SDK1: variants seen among roughly 807,000 people sequenced by gnomAD.
The protein encoded by SDK1 is protein sidekick-1.
Under a neutral mutation model 245.5 loss-of-function variants are expected in SDK1, and 157 were observed. The ratio of observed to expected loss-of-function variants is 0.64; its 90% CI spans 0.56 to 0.73. SDK1 has a LOEUF of 0.73. Among genes scored for constraint, SDK1 ranks in the 30% least tolerant of loss-of-function variants. The pLI is 0.00. For missense variants in SDK1, 3,583 were observed against 3,002.3 expected (o/e 1.19, Z -4.52); for synonymous variants, 1,647 against 1,278.5 (o/e 1.29, Z -6.15).
chr7:3,736,627 A>G (rs917367961), intron 4 of SDK1, among the ~76,000 whole-genome samples: 10 of 151,962 alleles, frequency 6.6e-5, no homozygotes, highest in African/African-American at 2.2e-4. Context: ...CTTCCCCACT[A>G]CTGTGGGAGT....
chr7:3,851,317 A>G lies in SDK1; in HGVS notation c.847+29734A>G, dbSNP rs150540111. 1.2e-3 allele frequency among the ~76,000 whole-genome samples: 186 copies of G among 152,272 alleles called. 2 individuals are homozygous for G. The highest frequency in any genetic ancestry group is 4.3e-3 in the African/African-American group (177 of 41,560). ...GCGTTATTAACATTTTAATGAAGGAATTATTCTATTTTCATATTTCTTAGA... is the reference window on the plus strand; with the variant it reads ...GCGTTATTAACATTTTAATGAAGGAGTTATTCTATTTTCATATTTCTTAGA... On this transcript the variant is annotated intron_variant, in intron 5 of 44. Transcript: ENST00000404826.
chr7:3,598,674 T>C (rs1402008747), intron 1 of SDK1, among the ~76,000 whole-genome samples: 1 of 152,196 alleles, frequency 6.6e-6, no homozygotes, highest in Non-Finnish European at 1.5e-5. Flanking sequence ...TCTATACTTT[T>C]GTCATTTCAA....
chr7:3,459,555 A>G (rs373365396), intron 1 of SDK1, among the ~76,000 whole-genome samples: 5 of 152,272 alleles, frequency 3.3e-5, no homozygotes, highest in African/African-American at 1.2e-4. Context: ...TCCTGTTTCA[A>G]GAAGGAAGTG....
intron 30 of SDK1, among the ~76,000 whole-genome samples, chr7:4,155,948 C>T (rs1780705335): frequency 6.6e-6 from 1 of 152,192 alleles, no homozygotes; most frequent in Non-Finnish European, 1.5e-5. Flanking sequence ...GGACAGCAGG[C>T]AGGGCCATCT....
At chr7:4,081,633 T>G (rs1584060396) in intron 22 of SDK1, among the ~76,000 whole-genome samples, 1 of 152,074 alleles carries the variant, frequency 6.6e-6, no homozygotes, top group African/African-American at 2.4e-5. Context: ...TTAGCCAGGA[T>G]GGTCTGGATC....
chr7:3,307,624 T>A (rs1056857338), intron 1 of SDK1, among the ~76,000 whole-genome samples: 6 of 152,204 alleles, frequency 3.9e-5, no homozygotes, highest in African/African-American at 1.4e-4. Context: ...CAGAAACTCA[T>A]TCCATCAGCC....
chr7:4,260,923 G>A (rs1325036683), intron 44 of SDK1, among the ~76,000 whole-genome samples: 6 of 152,338 alleles, frequency 3.9e-5, no homozygotes, highest in East Asian at 1.9e-4. Flanking sequence ...TGTGTCTTAC[G>A]TCTGCAATTC....
chr7:3,827,075 C>G (rs1172043753), intron 5 of SDK1, among the ~76,000 whole-genome samples: 1 of 152,168 alleles, frequency 6.6e-6, no homozygotes, highest in Non-Finnish European at 1.5e-5. Context: ...TGATTTATTT[C>G]AACCTGATTT....
intron 1 of SDK1, among the ~76,000 whole-genome samples, chr7:3,390,226 C>G (rs556179672): frequency 6.6e-6 from 1 of 152,120 alleles, no homozygotes; most frequent in Admixed American, 6.6e-5. Flanking sequence ...CCAGGGTGCC[C>G]TTTCTGACAG....
At chr7:3,971,327 G>T in intron 11 of SDK1, 139 bp from the exon 12 acceptor site, 1 of 647,982 alleles carries the variant, frequency 1.5e-6, no homozygotes, top group Non-Finnish European at 2.8e-6. Flanking sequence ...TTCTGAGAGT[G>T]ATCCATTTAC....
At chr7:4,019,638 C>A (rs1043065859) in intron 17 of SDK1, among the ~76,000 whole-genome samples, 1 of 151,878 alleles carries the variant, frequency 6.6e-6, no homozygotes, top group Admixed American at 6.6e-5. Flanking sequence ...CATGAGTGAA[C>A]GTTAGTGGAT....
At chr7:3,531,096 T>A (rs1045990686) in intron 1 of SDK1, among the ~76,000 whole-genome samples, 1 of 152,212 alleles carries the variant, frequency 6.6e-6, no homozygotes, top group Non-Finnish European at 1.5e-5. Flanking sequence ...CTAACAAGAT[T>A]TGACTAATAT....
chr7:4,027,164 A>G (rs1787422309), intron 17 of SDK1, among the ~76,000 whole-genome samples: 2 of 152,276 alleles, frequency 1.3e-5, no homozygotes, highest in South Asian at 4.1e-4. Flanking sequence ...GTGGTCCCTG[A>G]ATGGTCCAGT....
intron 4 of SDK1, among the ~76,000 whole-genome samples, chr7:3,746,025 A>G (rs886570628): frequency 6.6e-6 from 1 of 152,170 alleles, no homozygotes; most frequent in East Asian, 1.9e-4. Flanking sequence ...AAGCAGGGCT[A>G]GTAAGAGTAC....
At chr7:3,551,088 T>G (rs1210954065) in intron 1 of SDK1, among the ~76,000 whole-genome samples, 1 of 152,160 alleles carries the variant, frequency 6.6e-6, no homozygotes, top group Non-Finnish European at 1.5e-5. Context: ...TGCAAACTAT[T>G]TTTTTTAAAT....
chr7:3,667,678 C>A (rs149234647), intron 4 of SDK1, among the ~76,000 whole-genome samples: 1 of 152,214 alleles, frequency 6.6e-6, no homozygotes, highest in South Asian at 2.1e-4. Context: ...TCTAAAATAT[C>A]TTATGAATGG....
intron 13 of SDK1, among the ~76,000 whole-genome samples, chr7:3,984,212 C>T (rs1230400502): frequency 9.9e-5 from 15 of 152,018 alleles, no homozygotes; most frequent in Admixed American, 9.8e-4. Context: ...GATGGAGGGA[C>T]ATGTGTGAGC....
intron 1 of SDK1, among the ~76,000 whole-genome samples, chr7:3,539,246 CTTTT>C (rs2128620080): frequency 6.6e-6 from 1 of 152,234 alleles, no homozygotes; most frequent in Admixed American, 6.5e-5. Flanking sequence ...GCTATAAATA[CTTTT>C]TCCAGTTGCT....
At chr7:4,131,312 C>T (rs1018911534) in intron 27 of SDK1, among the ~76,000 whole-genome samples, 7 of 152,188 alleles carry the variant, frequency 4.6e-5, no homozygotes, top group Non-Finnish European at 8.8e-5. Flanking sequence ...CAGCATAATC[C>T]CCATAAACAG....
Sources: gnomAD v4.1 joint callset for allele counts (sites outside exome capture counted in the v4.1 genomes callset) on GRCh38, gnomAD v4.1.1 for gene constraint, MANE v1.5 for transcripts, NCBI Gene and HGNC (gene_info 2026-07-23, HGNC 2026-07-21) for gene names.